PARL: variants seen among roughly 807,000 people sequenced by gnomAD.
PARL encodes the protein presenilin-associated rhomboid-like protein, mitochondrial.
PARL carries 44 observed loss-of-function variants against 51.6 expected under a neutral mutation model. The ratio of observed to expected loss-of-function variants is 0.85; its 90% CI spans 0.67 to 1.10. The LOEUF (loss-of-function observed/expected upper bound fraction) is 1.10. Among genes scored for constraint, PARL ranks in the 50% least tolerant of loss-of-function variants. The pLI, the probability that PARL is intolerant of heterozygous loss-of-function variation, is 0.00. For missense variants in PARL, 441 were observed against 469.5 expected, an observed-to-expected ratio of 0.94 and a Z score of 0.56; for synonymous variants, 172 against 164.0, an observed-to-expected ratio of 1.05 and a Z score of -0.37.
intron 4 of PARL, among the ~76,000 whole-genome samples, chr3:183,849,037 T>A (rs73177515): frequency 0.23 from 34,352 of 151,732 alleles, 4,122 homozygotes; most frequent in East Asian, 0.45. Flanking sequence ...AACAAAAGAA[T>A]CTCAAAAATG....
At chr3:183,826,624 T>C (rs1243120252), downstream of PARL, 3 of 985,342 alleles carry the variant, frequency 3.0e-6, no homozygotes, top group East Asian at 2.3e-4. Flanking sequence ...TAGCTTGAAG[T>C]TGTAGCAAAG....
chr3:183,836,082 T>C (rs1054823838), intron 7 of PARL, among the ~76,000 whole-genome samples: 5 of 151,672 alleles, frequency 3.3e-5, no homozygotes, highest in Non-Finnish European at 7.4e-5. Flanking sequence ...CTGGGCATGG[T>C]CGTGCATGCC....
In PARL at chr3:183,844,292, T is replaced by C. The variant is rs774736014; in HGVS notation, c.546A>G (p.Leu182=). 1 of 1,607,332 alleles carries C rather than the reference T, an allele frequency of 6.2e-7. No individual in the cohort carries two copies. Among genetic ancestry groups the C allele is most frequent in the Admixed American group, 1.7e-5 (1 of 60,022 alleles). ...IIAANVLVFC[L]WRVPSLQRTM... ...TCCGCTGCAGAGAAGGTACTCTCCA[T>C]AAACAGAATACAAGGACATTTGCAG... is the stretch of plus-strand genomic sequence containing the variant. The change falls in exon 5 of 10, where the codon TTA becomes TTG. Residue 182 remains leucine (L), a synonymous_variant. Coordinates refer to ENST00000317096, the MANE Select transcript of PARL (RefSeq NM_018622.7).
At chr3:183,837,552 T>C (rs1728772968) in intron 7 of PARL, among the ~76,000 whole-genome samples, 1 of 152,120 alleles carries the variant, frequency 6.6e-6, no homozygotes, top group African/African-American at 2.4e-5. Context: ...CTGCACGCCC[T>C]CAGCTCCCAT....
At chr3:183,882,282 T>TATATATATTTATATATATATAC (rs1734616804) in intron 1 of PARL, among the ~76,000 whole-genome samples, 1 of 89,694 alleles carries the variant, frequency 1.1e-5, no homozygotes, top group African/African-American at 3.9e-5. Context: ...TATATATATA[T>TATATATATTTATATATATATAC]ACACACACAC....
intron 4 of PARL, chr3:183,861,339 C>CA (rs930024396): frequency 4.3e-5 from 18 of 416,576 alleles, no homozygotes; most frequent in Non-Finnish European, 3.2e-6. Flanking sequence ...TTACTGTGTA[C>CA]ATGATATATG....
At chr3:183,856,402 G>C (rs1482915342) in intron 4 of PARL, 1 of 152,458 alleles carries the variant, frequency 6.6e-6, no homozygotes, top group Non-Finnish European at 1.5e-5. Flanking sequence ...ATCCACAGCA[G>C]CCAAAGAACT....
At chr3:183,876,736 C>T (rs1231426480) in intron 1 of PARL, among the ~76,000 whole-genome samples, 1 of 150,722 alleles carries the variant, frequency 6.6e-6, no homozygotes, top group Non-Finnish European at 1.5e-5. Flanking sequence ...GCAAGGTAAA[C>T]TGAAAAGCTT....
chr3:183,842,301 C>A lies in PARL; in HGVS notation c.754G>T (p.Ala252Ser). 1 of 1,612,240 alleles carries A rather than the reference C, an allele frequency of 6.2e-7. No homozygotes were observed. ...CCCCGAGATTAAAGCATATTACCTG[C>A]AGATAGGTACACTGCCATGAACTGC... ...QEQFMAVYLS[A>S]GVISNFVSYV... is the part of the protein sequence containing the mutation. The change falls in exon 6 of 10, where the codon GCA (alanine) becomes TCA (serine). Residue 252 changes from alanine to serine, a missense_variant. Transcript: ENST00000317096.
At chr3:183,853,282 G>A (rs1273051004) in intron 4 of PARL, among the ~76,000 whole-genome samples, 1 of 140,268 alleles carries the variant, frequency 7.1e-6, no homozygotes, top group Non-Finnish European at 1.6e-5. Flanking sequence ...TATAACTCAG[G>A]CGGGTGCAAG....
At chr3:183,877,661 C>T (rs1463464853) in intron 1 of PARL, among the ~76,000 whole-genome samples, 3 of 152,134 alleles carry the variant, frequency 2.0e-5, no homozygotes, top group Non-Finnish European at 4.4e-5. Context: ...AGAGGCAAGA[C>T]CCTCCACCAG....
chr3:183,847,188 A>AC, intron 4 of PARL, among the ~76,000 whole-genome samples: 1 of 152,376 alleles, frequency 6.6e-6, no homozygotes, highest in African/African-American at 2.4e-5. Context: ...TCCTACTTAC[A>AC]TTATAACCTG....
chr3:183,848,043 G>A (rs941777752), intron 4 of PARL, among the ~76,000 whole-genome samples: 1 of 152,184 alleles, frequency 6.6e-6, no homozygotes, highest in African/African-American at 2.4e-5. Flanking sequence ...ACTGGACTAT[G>A]TCAGTGAAAA....
At position 183,866,812 on chromosome 3, in the gene PARL, G is replaced by A. The variant is rs767055486; in HGVS notation, c.322-47C>T. The A allele has an allele frequency of 1.6e-5, 21 of 1,280,138 alleles. No individual in the cohort carries two copies. In the Admixed American group the frequency reaches 3.6e-4, roughly 22 times the overall value. 79.3% of individuals were successfully genotyped at this position (1,280,138 alleles called of 1,614,324 possible). On this transcript the variant is annotated intron_variant, in intron 2 of 9. Coordinates refer to ENST00000317096, the MANE Select transcript of PARL (RefSeq NM_018622.7). Reference sequence around the variant, plus strand: ...ACAAAATAGATTTAAGAGGGAAATAGATCTATACATTATTTCCAAGGAGAA... The same window carrying A: ...ACAAAATAGATTTAAGAGGGAAATAAATCTATACATTATTTCCAAGGAGAA...
intron 1 of PARL, among the ~76,000 whole-genome samples, chr3:183,877,729 A>G (rs1734007463): frequency 6.6e-6 from 1 of 152,200 alleles, no homozygotes; most frequent in Non-Finnish European, 1.5e-5. Flanking sequence ...TTAGTAATAA[A>G]GCATTTTAAA....
intron 4 of PARL, among the ~76,000 whole-genome samples, chr3:183,860,814 C>CTTTTTTTTT (rs11405513): frequency 7.9e-6 from 1 of 126,732 alleles, no homozygotes; most frequent in Non-Finnish European, 1.6e-5. Context: ...AATTTCGTTA[C>CTTTTTTTTT]TTTTTTTTTT....
At chr3:183,859,406 C>T (rs1049881739) in intron 4 of PARL, among the ~76,000 whole-genome samples, 1 of 152,096 alleles carries the variant, frequency 6.6e-6, no homozygotes, top group African/African-American at 2.4e-5. Flanking sequence ...GGCATGATCT[C>T]GGCTCACTGC....
At chr3:183,879,430 CCA>C (rs2108718087) in intron 1 of PARL, among the ~76,000 whole-genome samples, 1 of 152,300 alleles carries the variant, frequency 6.6e-6, no homozygotes, top group South Asian at 2.1e-4. Context: ...CATCTTATAA[CCA>C]CAAGGAGATA....
chr3:183,882,436 A>G (rs1038598620), intron 1 of PARL, among the ~76,000 whole-genome samples: 5 of 147,574 alleles, frequency 3.4e-5, no homozygotes, highest in South Asian at 2.2e-4. Context: ...GAGAGAGAGA[A>G]AGAGAGAGAC....
Sources: allele counts gnomAD v4.1 joint callset (sites outside exome capture counted in the v4.1 genomes callset), GRCh38; gene constraint gnomAD v4.1.1; transcripts MANE v1.5; gene names NCBI Gene and HGNC (gene_info 2026-07-23, HGNC 2026-07-21).